The following CFAP95 variants were observed in gnomAD, a reference collection of about 807,000 sequenced individuals.
CFAP95 encodes cilia- and flagella-associated protein 95.
At chr9:69,829,491 C>A in the CFAP95 span, among the ~76,000 whole-genome samples, 2 of 152,186 alleles carry the variant, frequency 1.3e-5, no homozygotes, top group African/African-American at 4.8e-5. Context: ...TTTCACCACA[C>A]GGGCAAACTT....
the CFAP95 span, among the ~76,000 whole-genome samples, chr9:69,828,826 C>T: frequency 6.6e-6 from 1 of 152,024 alleles, no homozygotes; most frequent in Non-Finnish European, 1.5e-5. Flanking sequence ...TTTCTCTTTG[C>T]TACTTCTACA....
At chr9:69,825,901 A>G in the CFAP95 span, among the ~76,000 whole-genome samples, 2 of 152,158 alleles carry the variant, frequency 1.3e-5, no homozygotes, top group African/African-American at 4.8e-5. Flanking sequence ...CCATGGTGAC[A>G]TTTAGTTTTA....
the CFAP95 span, chr9:69,906,097 ACT>A: frequency 2.5e-6 from 4 of 1,611,888 alleles, no homozygotes; most frequent in Non-Finnish European, 2.5e-6. Context: ...TAAAACAGAA[ACT>A]CTATCCCTTG....
At chr9:69,886,978 AAGG>A in the CFAP95 span, 2 of 1,048,330 alleles carry the variant, frequency 1.9e-6, no homozygotes, top group Non-Finnish European at 2.9e-6. Context: ...CTTGGGAAGA[AAGG>A]AGAAATTGCT....
the CFAP95 span, among the ~76,000 whole-genome samples, chr9:69,882,679 T>C: frequency 6.6e-6 from 1 of 152,238 alleles, no homozygotes; most frequent in African/African-American, 2.4e-5. Context: ...TTTTATCAAA[T>C]ACTTTCTCTG....
the CFAP95 span, among the ~76,000 whole-genome samples, chr9:69,882,537 A>G: frequency 6.6e-6 from 1 of 152,156 alleles, no homozygotes; most frequent in Admixed American, 6.6e-5. Flanking sequence ...ATTTTATAGG[A>G]AAGGCTTTCA....
chr9:69,904,615 T>C, the CFAP95 span, among the ~76,000 whole-genome samples: 21 of 152,154 alleles, frequency 1.4e-4, no homozygotes, highest in Non-Finnish European at 2.6e-4. Context: ...AAGGAGCCCA[T>C]AGACGCTGTA....
the CFAP95 span, among the ~76,000 whole-genome samples, chr9:69,839,821 A>G: frequency 3.3e-5 from 5 of 151,260 alleles, no homozygotes; most frequent in Non-Finnish European, 7.4e-5. Context: ...CCCGCCTGTA[A>G]TCCCAGCACT....
chr9:69,879,189 T>C, the CFAP95 span, among the ~76,000 whole-genome samples: 1 of 152,230 alleles, frequency 6.6e-6, no homozygotes, highest in Non-Finnish European at 1.5e-5. Flanking sequence ...GATTGTTATA[T>C]ACTTTCTTGG....
chr9:69,891,592 T>C, the CFAP95 span, among the ~76,000 whole-genome samples: 1 of 152,042 alleles, frequency 6.6e-6, no homozygotes. Context: ...AAATAATCTG[T>C]ACACCAAACC....
At chr9:69,849,751 A>C in the CFAP95 span, among the ~76,000 whole-genome samples, 1 of 152,132 alleles carries the variant, frequency 6.6e-6, no homozygotes, top group Non-Finnish European at 1.5e-5. Flanking sequence ...TTGATTTCCT[A>C]TTTCAATGGT....
chr9:69,854,009 T>A, the CFAP95 span, among the ~76,000 whole-genome samples: 1 of 152,224 alleles, frequency 6.6e-6, no homozygotes, highest in South Asian at 2.1e-4. Flanking sequence ...CATATCTAAG[T>A]GTAAAATAAT....
chr9:69,849,603 G>C, the CFAP95 span, among the ~76,000 whole-genome samples: 1 of 152,178 alleles, frequency 6.6e-6, no homozygotes, highest in African/African-American at 2.4e-5. Flanking sequence ...TCAGGATGCT[G>C]TGAGGTGTAC....
the CFAP95 span, among the ~76,000 whole-genome samples, chr9:69,854,391 TG>T: frequency 2.0e-5 from 3 of 152,248 alleles, no homozygotes; most frequent in Non-Finnish European, 4.4e-5. Flanking sequence ...CTCTGGAGTT[TG>T]TTTACAAATC....
At chr9:69,852,766 C>T in the CFAP95 span, among the ~76,000 whole-genome samples, 1 of 152,124 alleles carries the variant, frequency 6.6e-6, no homozygotes, top group South Asian at 2.1e-4. Flanking sequence ...TGGGAAGGAC[C>T]CAGTGGGAGA....
At chr9:69,854,210 A>C in the CFAP95 span, among the ~76,000 whole-genome samples, 1 of 152,218 alleles carries the variant, frequency 6.6e-6, no homozygotes, top group Admixed American at 6.5e-5. Flanking sequence ...GTTGTAACTT[A>C]AGTCGAGTCT....
At chr9:69,852,205 G>C in the CFAP95 span, among the ~76,000 whole-genome samples, 1 of 151,526 alleles carries the variant, frequency 6.6e-6, no homozygotes, top group African/African-American at 2.4e-5. Context: ...AGCTACAGTT[G>C]GTAGGGGGAA....
At chr9:69,843,549 CTCCTCCTCCTTCTTCT>C in the CFAP95 span, among the ~76,000 whole-genome samples, 47 of 23,494 alleles carry the variant, frequency 2.0e-3, 3 homozygotes, top group Non-Finnish European at 2.8e-3. Context: ...CCTCCTCCTC[CTCCTCCTCCTTCTTCT>C]TCTTCTTCTT....
At chr9:69,846,206 A>G in the CFAP95 span, among the ~76,000 whole-genome samples, 2 of 152,182 alleles carry the variant, frequency 1.3e-5, no homozygotes, top group Non-Finnish European at 2.9e-5. Context: ...GTTTCTGGGT[A>G]TTCCTATACC....
Sources: gnomAD v4.1 joint callset for allele counts (sites outside exome capture counted in the v4.1 genomes callset) on GRCh38, gnomAD v4.1.1 for gene constraint, MANE v1.5 for transcripts, NCBI Gene and HGNC (gene_info 2026-07-23, HGNC 2026-07-21) for gene names.